The following SLC15A1 variants were observed in gnomAD, a reference collection of about 807,000 sequenced individuals.
The protein encoded by SLC15A1 is solute carrier family 15 member 1.
In SLC15A1, 83 loss-of-function variants were observed where a neutral mutation model predicts 92.9. The observed-to-expected ratio is 0.89, with a 90% CI of 0.75 to 1.07. The LOEUF (loss-of-function observed/expected upper bound fraction) is 1.07, where lower values mean the gene tolerates loss of function less well. Among genes scored for constraint, SLC15A1 ranks in the 50% least tolerant of loss-of-function variants. The probability of loss-of-function intolerance (pLI) is 0.00; values close to 1 mark genes in which losing one functional copy is unlikely to be tolerated. For missense variants in SLC15A1, 857 were observed against 880.1 expected, an observed-to-expected ratio of 0.97 and a Z score of 0.33; for synonymous variants, 322 against 318.2, an observed-to-expected ratio of 1.01 and a Z score of -0.13.
chr13:98,691,768 C>A (rs934617639), intron 18 of SLC15A1, among the ~76,000 whole-genome samples: 9 of 152,140 alleles, frequency 5.9e-5, no homozygotes, highest in Admixed American at 5.2e-4. Flanking sequence ...TGTATTATAA[C>A]CTCCAATGAA....
At chr13:98,724,058 C>T (rs755854258) in intron 4 of SLC15A1, 27 bp from the exon 5 acceptor site, 32 of 1,612,358 alleles carry the variant, frequency 2.0e-5, no homozygotes, top group Middle Eastern at 3.3e-4. Flanking sequence ...TAAGAGAATC[C>T]GAGTTAATTG....
chr13:98,709,581 A>G lies in SLC15A1; in HGVS notation c.1058T>C (p.Phe353Ser), dbSNP rs755980163. Residue 353 changes from phenylalanine to serine, a missense_variant, in exon 14 of 23, where the codon TTC (phenylalanine) becomes TCC (serine). Coordinates refer to ENST00000376503, the MANE Select transcript of SLC15A1 (RefSeq NM_005073.4). ...VLYPLIAKCG[F>S]NFTSLKKMAV... ...CCCACCCGTCACCTACGTGAAATTG[A>G]AGCCACATTTTGCAATGAGAGGGTA... 2 of 1,614,156 alleles carry G rather than the reference A, an allele frequency of 1.2e-6. No individual in the cohort carries two copies. The highest frequency in any genetic ancestry group is 3.3e-5 in the Admixed American group (2 of 60,016).
At chr13:98,686,057 G>A in intron 22 of SLC15A1, 133 bp downstream of exon 22, 1 of 673,426 alleles carries the variant, frequency 1.5e-6, no homozygotes, top group Non-Finnish European at 2.7e-6. Flanking sequence ...AACAGCCCTG[G>A]CTGGTCTGGC....
At chr13:98,743,531 C>T (rs893122987) in intron 1 of SLC15A1, among the ~76,000 whole-genome samples, 11 of 152,202 alleles carry the variant, frequency 7.2e-5, no homozygotes, top group Non-Finnish European at 1.3e-4. Context: ...TTCCAACCTG[C>T]TCTCAGCTTC....
intron 18 of SLC15A1, among the ~76,000 whole-genome samples, chr13:98,692,407 C>A (rs183874790): frequency 1.3e-5 from 2 of 152,164 alleles, no homozygotes; most frequent in East Asian, 3.9e-4. Flanking sequence ...AATTCTCCTG[C>A]CTCCACCTCC....
intron 2 of SLC15A1, 90 bp from the exon 3 acceptor site, chr13:98,726,539 A>G (rs772815699): frequency 1.3e-5 from 15 of 1,171,054 alleles, no homozygotes; most frequent in South Asian, 1.0e-4. Flanking sequence ...AAGGCAGCCA[A>G]CGCAGATTCA....
In SLC15A1 at chr13:98,733,800, G is replaced by A. The variant is rs529194965; in HGVS notation, c.5-6941C>T. On this transcript the variant is annotated intron_variant, in intron 1 of 22. Coordinates refer to ENST00000376503, the MANE Select transcript of SLC15A1 (RefSeq NM_005073.4). ...TCTGGGCTTCCATTTCTTCATCTGC[G>A]ATATAGTTTGCATGTATGTCCCCAC... Among the ~76,000 whole-genome samples, 24 of 152,192 alleles carry A rather than the reference G, an allele frequency of 1.6e-4. 2 individuals are homozygous for A. In the South Asian group the frequency reaches 4.6e-3, roughly 29 times the overall value.
chr13:98,734,134 T>A (rs567916142), intron 1 of SLC15A1, among the ~76,000 whole-genome samples: 1 of 152,098 alleles, frequency 6.6e-6, no homozygotes, highest in East Asian at 1.9e-4. Context: ...CCTGGCTAAT[T>A]TTTGTATTTT....
Position 98,696,756 on chromosome 13 carries a change from C to G in SLC15A1, c.1466+5724G>C, listed in dbSNP as rs1466059175. ...GGGTGAGGGGCTGAATGGTGTCGCT[C>G]TCAAATTCACAGGCTGGAACTCTAA... On this transcript the variant is annotated intron_variant, in intron 18 of 22. Transcript: ENST00000376503. Among the ~76,000 whole-genome samples, 4 of 152,150 alleles carry G rather than the reference C, an allele frequency of 2.6e-5. No individual in the cohort carries two copies. In the East Asian group the frequency reaches 7.7e-4, roughly 29 times the overall value.
rs752275701 is a variant in SLC15A1, at chr13:98,706,176, T to C, written c.1227A>G (p.Ile409Met). 1 of 1,613,498 alleles carries C rather than the reference T, an allele frequency of 6.2e-7. No homozygotes were observed. Among genetic ancestry groups the C allele is most frequent in the Admixed American group, 1.7e-5 (1 of 59,934 alleles). The change falls in exon 16 of 23, where the codon ATA becomes ATG. Residue 409 changes from isoleucine to methionine, a missense_variant. By Grantham distance (10) the Ile-to-Met change is conservative. Transcript: ENST00000376503. ...VLNIGNNTMNISLPGEMVTLG... is the reference protein window; with the variant it reads ...VLNIGNNTMNMSLPGEMVTLG... ...GTGTCACCATCTCTCCAGGAAGAGA[T>C]ATATTCATGGTATTGTTTCCTATAT...
intron 1 of SLC15A1, among the ~76,000 whole-genome samples, chr13:98,741,890 T>A (rs2088451195): frequency 6.6e-6 from 1 of 152,206 alleles, no homozygotes; most frequent in Non-Finnish European, 1.5e-5. Context: ...GGTATCAGAC[T>A]CCAAGAATGA....
In SLC15A1 at chr13:98,726,388, A is replaced by T. The variant is rs8187817; in HGVS notation, c.83T>A (p.Phe28Tyr). The T allele has an allele frequency of 1.9e-6, 3 of 1,614,112 alleles. No homozygotes were observed. In the African/African-American group the frequency reaches 4.0e-5, roughly 22 times the overall value. The change falls in exon 3 of 23, where the codon TTT becomes TAT. Residue 28 changes from phenylalanine to tyrosine, a missense_variant. By Grantham distance (22) the Phe-to-Tyr change is conservative. Transcript: ENST00000376503. ...GTTACCTCGCATTCCATAGTAGGAA[A>T]ATCTTTCGCAAAACTCATTGACCAC... ...FIVVNEFCER[F>Y]SYYGMRAILI... is the part of the protein sequence containing the mutation.
intron 1 of SLC15A1, among the ~76,000 whole-genome samples, chr13:98,729,007 C>CAAAAAAAAAAAA (rs1176117196): frequency 1.4e-5 from 1 of 69,662 alleles, no homozygotes; most frequent in African/African-American, 5.3e-5. Flanking sequence ...AAAAAAAAAA[C>CAAAAAAAAAAAA]AACAAGCCCC....
At chr13:98,746,209 G>GT (rs2088491867) in intron 1 of SLC15A1, among the ~76,000 whole-genome samples, 1 of 151,862 alleles carries the variant, frequency 6.6e-6, no homozygotes, top group African/African-American at 2.4e-5. Context: ...TGATCTTGTT[G>GT]TTTTTTTATT....
At chr13:98,695,929 T>G (rs2088017341) in intron 18 of SLC15A1, among the ~76,000 whole-genome samples, 1 of 152,134 alleles carries the variant, frequency 6.6e-6, no homozygotes, top group African/African-American at 2.4e-5. Flanking sequence ...TCTCCTTTTT[T>G]GTGTTTTTTC....
At chr13:98,739,425 G>T (rs556052980) in intron 1 of SLC15A1, among the ~76,000 whole-genome samples, 2 of 152,224 alleles carry the variant, frequency 1.3e-5, no homozygotes, top group Non-Finnish European at 2.9e-5. Flanking sequence ...ATGCTCAATT[G>T]TTGGAGGTGG....
intron 9 of SLC15A1, among the ~76,000 whole-genome samples, chr13:98,715,527 C>T (rs929243244): frequency 3.7e-4 from 56 of 152,196 alleles, no homozygotes; most frequent in African/African-American, 1.4e-3. Flanking sequence ...AGCAACTGAA[C>T]ACCTGAGACT....
Position 98,684,785 on chromosome 13 carries a change from T to C in SLC15A1, c.2066A>G (p.Asn689Ser), listed in dbSNP as rs189869941. The change falls in exon 23 of 23, where the codon AAC (asparagine) becomes AGC (serine). Residue 689 changes from asparagine to serine, a missense_variant. Coordinates refer to ENST00000376503, the MANE Select transcript of SLC15A1 (RefSeq NM_005073.4). ...ATATGGGTTACTCTTTTCCAGTCTG[T>C]TTTTCTTTTCATCCTCATCAAATTG... ...EAQFDEDEKK[N>S]RLEKSNPYFM... 1.4e-4 allele frequency: 231 copies of C among 1,614,060 alleles called. No individual in the cohort carries two copies. In the East Asian group the frequency reaches 4.5e-3, roughly 31 times the overall value.
intron 11 of SLC15A1, among the ~76,000 whole-genome samples, chr13:98,710,808 C>CAAAAAAAAAAAAAAAAAAAAAAA (rs4646225): frequency 1.4e-5 from 1 of 71,662 alleles, no homozygotes; most frequent in African/African-American, 5.6e-5. Context: ...ACTCTTGACT[C>CAAAAAAAAAAAAAAAAAAAAAAA]AAAAAAAAAA....
Sources: allele counts gnomAD v4.1 joint callset (sites outside exome capture counted in the v4.1 genomes callset), GRCh38; gene constraint gnomAD v4.1.1; transcripts MANE v1.5; gene names NCBI Gene and HGNC (gene_info 2026-07-23, HGNC 2026-07-21).